EFEMP1: variants seen among roughly 807,000 people sequenced by gnomAD.
The protein encoded by EFEMP1 is EGF-containing fibulin-like extracellular matrix protein 1.
EFEMP1 carries 18 observed loss-of-function variants against 65.7 expected under a neutral mutation model. The observed-to-expected ratio is 0.27, with a 90% CI of 0.19 to 0.41. The LOEUF is 0.41. EFEMP1 is among the 10% of genes least tolerant of loss of function. EFEMP1 has a pLI of 1.00. For synonymous variants in EFEMP1, 237 were observed against 219.7 expected (o/e 1.08, Z -0.70); for missense variants, 469 against 624.8 (o/e 0.75, Z 2.66).
Position 55,870,602 on chromosome 2 carries a change from G to A in EFEMP1, c.1320+118C>T. ...GGCCTTACACAATGCCTACACATAA[G>A]ACACTTTAAATGTTTGCTTTCCTTC... On this transcript the variant is annotated intron_variant, in intron 11 of 11. Transcript: ENST00000355426. The surrounding 1 kb of genome is among the most constrained non-coding windows in gnomAD (Gnocchi z 5.8). 1.6e-6 allele frequency: 2 copies of A among 1,266,034 alleles called. No homozygotes were observed. Among genetic ancestry groups the A allele is most frequent in the Non-Finnish European group, 2.3e-6 (2 of 882,096 alleles). The allele number at this position is 1,266,034 out of a possible 1,614,324, so 78.4% of individuals were successfully genotyped here.
Position 55,866,077 on chromosome 2 carries a change from G to A in EFEMP1, c.*996C>T, listed in dbSNP as rs1278182683. ...AAATATTCCATAGAATTGGGTAGGA[G>A]GGTAATTTGCTTAAGTTCACTGTCA... is the stretch of plus-strand genomic sequence containing the variant. On this transcript the variant is annotated 3_prime_UTR_variant, in exon 12 of 12. Coordinates refer to ENST00000355426, the MANE Select transcript of EFEMP1 (RefSeq NM_001039348.3). The A allele has an allele frequency of 1.3e-5, 2 of 152,108 alleles. No homozygotes were observed. Among genetic ancestry groups the A allele is most frequent in the African/African-American group, 4.8e-5 (2 of 41,418 alleles). 9.4% of individuals were successfully genotyped at this position (152,108 alleles called of 1,614,324 possible).
rs1161114785 is a variant in EFEMP1, at chr2:55,871,225, G to A, written c.1001-102C>T. The A allele has an allele frequency of 1.3e-6, 2 of 1,537,398 alleles. No homozygotes were observed. The highest frequency in any genetic ancestry group is 1.4e-5 in the African/African-American group (1 of 73,426). ...TCTGTTTGCAAGGAAGGAGGTGTGA[G>A]AGCATCTGGACTGTGTTCAACCTGC... On this transcript the variant is annotated intron_variant, in intron 9 of 11. Coordinates refer to ENST00000355426, the MANE Select transcript of EFEMP1 (RefSeq NM_001039348.3). The surrounding 1 kb of genome is among the most constrained non-coding windows in gnomAD (Gnocchi z 4.2).
Position 55,923,041 on chromosome 2 carries a change from T to C in EFEMP1, c.-48-102A>G, listed in dbSNP as rs550871615. 2 of 828,614 alleles carry C rather than the reference T, an allele frequency of 2.4e-6. No homozygotes were observed. The highest frequency in any genetic ancestry group is 2.9e-6 in the Non-Finnish European group (2 of 681,118). The allele number at this position is 828,614 out of a possible 1,614,324, so 51.3% of individuals were successfully genotyped here. Reference sequence around the variant, plus strand: ...CAATCTTCCAGTTCTAGTAGAATACTAGACCTTCTCACATGTCTCAGAGCT... The same window carrying C: ...CAATCTTCCAGTTCTAGTAGAATACCAGACCTTCTCACATGTCTCAGAGCT... On this transcript the variant is annotated intron_variant, in intron 1 of 11. Transcript: ENST00000355426. This position sits in a 1 kb window ranked among gnomAD's most constrained non-coding sequence, Gnocchi z 5.3.
intron 5 of EFEMP1, among the ~76,000 whole-genome samples, chr2:55,916,970 G>A (rs1670714014): frequency 6.6e-6 from 1 of 152,210 alleles, no homozygotes; most frequent in Non-Finnish European, 1.5e-5. Context: ...TGATGCCATG[G>A]TGCAAGTGAT....
At chr2:55,906,650 C>T (rs1670290348) in intron 5 of EFEMP1, among the ~76,000 whole-genome samples, 1 of 152,176 alleles carries the variant, frequency 6.6e-6, no homozygotes, top group Non-Finnish European at 1.5e-5. Context: ...GCTTTTACTG[C>T]AAAGTTTAAT....
At position 55,877,668 on chromosome 2, in the gene EFEMP1, G is replaced by A; in HGVS notation, c.760+78C>T. The A allele has an allele frequency of 3.7e-6, 6 of 1,600,318 alleles. No individual in the cohort carries two copies. The highest frequency in any genetic ancestry group is 5.1e-6 in the Non-Finnish European group (6 of 1,169,726). ...TGGAAACTATTTACTCAAGAACATA[G>A]AAAACTGGAAATACTGCAACATGGC... On this transcript the variant is annotated intron_variant, in intron 7 of 11. Coordinates refer to ENST00000355426, the MANE Select transcript of EFEMP1 (RefSeq NM_001039348.3). The surrounding 1 kb of genome is among the most constrained non-coding windows in gnomAD (Gnocchi z 4.5).
Position 55,878,005 on chromosome 2 carries a change from G to A in EFEMP1, c.641-140C>T. 4.9e-6 allele frequency: 5 copies of A among 1,027,126 alleles called. 1 individual carries two copies. In the South Asian group the frequency reaches 8.1e-5, roughly 17 times the overall value. 63.6% of individuals were successfully genotyped at this position (1,027,126 alleles called of 1,614,324 possible). On this transcript the variant is annotated intron_variant, in intron 6 of 11. Transcript: ENST00000355426. Reference sequence around the variant, plus strand: ...CTATTTTGTTAAAATTAGGGTATATGTATTTTAAATATACTTTGTATTCTG... The same window carrying A: ...CTATTTTGTTAAAATTAGGGTATATATATTTTAAATATACTTTGTATTCTG...
At chr2:55,914,334 A>T (rs1158350369) in intron 5 of EFEMP1, among the ~76,000 whole-genome samples, 1 of 152,184 alleles carries the variant, frequency 6.6e-6, no homozygotes, top group East Asian at 1.9e-4. Context: ...GCTCACTGTG[A>T]CCTGATCTTT....
intron 5 of EFEMP1, among the ~76,000 whole-genome samples, chr2:55,906,153 C>A (rs1048536363): frequency 1.3e-5 from 2 of 151,976 alleles, no homozygotes; most frequent in African/African-American, 2.4e-5. Flanking sequence ...GCTTACCCCC[C>A]ACCCTGACCC....
At chr2:55,868,804 A>G (rs551077774) in intron 11 of EFEMP1, among the ~76,000 whole-genome samples, 321 of 152,288 alleles carry the variant, frequency 2.1e-3, no homozygotes, top group Middle Eastern at 3.4e-3. Flanking sequence ...GACACCTAGC[A>G]TAGAGCTGAG....
At chr2:55,898,448 CTTT>C (rs1669913016) in intron 5 of EFEMP1, among the ~76,000 whole-genome samples, 1 of 152,074 alleles carries the variant, frequency 6.6e-6, no homozygotes, top group Non-Finnish European at 1.5e-5. Flanking sequence ...AGCACACTCT[CTTT>C]TTATGCCTCT....
chr2:55,897,773 A>T (rs1669883967), intron 5 of EFEMP1, among the ~76,000 whole-genome samples: 1 of 152,176 alleles, frequency 6.6e-6, no homozygotes, highest in South Asian at 2.1e-4. Context: ...TTAACTGGAA[A>T]ATGTTTCCCC....
intron 6 of EFEMP1, among the ~76,000 whole-genome samples, chr2:55,879,219 T>C (rs1395294601): frequency 6.6e-6 from 1 of 152,172 alleles, no homozygotes; most frequent in African/African-American, 2.4e-5. Context: ...TGTCTGTTCA[T>C]TGTTAGATCT....
intron 11 of EFEMP1, among the ~76,000 whole-genome samples, chr2:55,869,489 G>A (rs1668717338): frequency 6.6e-6 from 1 of 151,888 alleles, no homozygotes; most frequent in Admixed American, 6.6e-5. Context: ...ATTTTGCATT[G>A]GGTCTTTCTT....
chr2:55,898,400 T>C (rs866996413), intron 5 of EFEMP1, among the ~76,000 whole-genome samples: 1 of 152,194 alleles, frequency 6.6e-6, no homozygotes, highest in Non-Finnish European at 1.5e-5. Context: ...TAAATAATTT[T>C]AAACTAATTA....
Position 55,919,175 on chromosome 2 carries a change from A to C in EFEMP1, c.82-908T>G, listed in dbSNP as rs1670821617. 6.6e-6 allele frequency among the ~76,000 whole-genome samples: 1 copy of C among 152,148 alleles called. No individual in the cohort carries two copies. The highest frequency in any genetic ancestry group is 2.4e-5 in the African/African-American group (1 of 41,420). On this transcript the variant is annotated intron_variant, in intron 3 of 11. Coordinates refer to ENST00000355426, the MANE Select transcript of EFEMP1 (RefSeq NM_001039348.3). The surrounding 1 kb of genome is among the most constrained non-coding windows in gnomAD (Gnocchi z 4.5). ...TGTGACAAAGGCATAAAATTTTTGA[A>C]AAGGGAAGGAGCTGCAAGGAGTTCT...
intron 5 of EFEMP1, among the ~76,000 whole-genome samples, chr2:55,898,066 C>G (rs1187987497): frequency 6.6e-6 from 1 of 151,596 alleles, no homozygotes; most frequent in Non-Finnish European, 1.5e-5. Context: ...GAGACTTGCT[C>G]CATATTCCTT....
rs1250671707 is a variant in EFEMP1 at position 55,885,236 on chromosome 2, A to G, written c.518-3502T>C. ...GAAAAGGAAGCTGTTTCTAGGCAGA[A>G]AGCAGCTCACATTAGAAAATGCTGA... On this transcript the variant is annotated intron_variant, in intron 5 of 11. Coordinates refer to ENST00000355426, the MANE Select transcript of EFEMP1 (RefSeq NM_001039348.3). The surrounding 1 kb of genome is among the most constrained non-coding windows in gnomAD (Gnocchi z 4.3). Among the ~76,000 whole-genome samples the G allele has an allele frequency of 1.3e-5, 2 of 152,218 alleles. No individual in the cohort carries two copies. The highest frequency in any genetic ancestry group is 4.8e-5 in the African/African-American group (2 of 41,450).
At chr2:55,899,185 T>G (rs1669942522) in intron 5 of EFEMP1, among the ~76,000 whole-genome samples, 1 of 152,196 alleles carries the variant, frequency 6.6e-6, no homozygotes, top group African/African-American at 2.4e-5. Context: ...AATTTTTCAG[T>G]AATCGCCACT....
Sources: allele counts gnomAD v4.1 joint callset (sites outside exome capture counted in the v4.1 genomes callset), GRCh38; gene constraint gnomAD v4.1.1; non-coding constraint Gnocchi (gnomAD v3.1); transcripts MANE v1.5; gene names NCBI Gene and HGNC (gene_info 2026-07-23, HGNC 2026-07-21).